Variants in PKHD1 observed in about 807,000 individuals in gnomAD.
The protein encoded by PKHD1 is PKHD1 ciliary IPT domain containing fibrocystin/polyductin, also known as fibrocystin.
PKHD1 carries 291 observed loss-of-function variants against 412.0 expected under a neutral mutation model. The ratio of observed to expected loss-of-function variants is 0.71; its 90% CI spans 0.64 to 0.78. The LOEUF is 0.78. Ranked by LOEUF, PKHD1 falls within the 30% of genes least tolerant of loss-of-function variation. The pLI is 0.00. For missense variants in PKHD1, 4,825 were observed against 4,950.7 expected (o/e 0.97, Z 0.76); for synonymous variants, 1,777 against 1,821.5 (o/e 0.98, Z 0.62).
chr6:52,001,378 A>T (rs747619518), intron 35 of PKHD1, among the ~76,000 whole-genome samples: 40 of 152,280 alleles, frequency 2.6e-4, no homozygotes, highest in Middle Eastern at 3.4e-3. Context: ...TTTTCTTTCA[A>T]ATCTTTCATC....
intron 61 of PKHD1, among the ~76,000 whole-genome samples, chr6:51,649,675 C>T (rs1266946258): frequency 6.6e-6 from 1 of 152,098 alleles, no homozygotes; most frequent in Non-Finnish European, 1.5e-5. Context: ...ACCAACATAG[C>T]TAATTCTGAG....
chr6:51,641,410 T>C (rs1012361190), intron 63 of PKHD1, among the ~76,000 whole-genome samples: 1 of 152,160 alleles, frequency 6.6e-6, no homozygotes, highest in Admixed American at 6.5e-5. Flanking sequence ...AAACAACATA[T>C]GTGGAGAAAT....
chr6:51,669,274 G>A (rs1342866071), intron 60 of PKHD1, among the ~76,000 whole-genome samples: 1 of 152,106 alleles, frequency 6.6e-6, no homozygotes, highest in Admixed American at 6.5e-5. Flanking sequence ...TATAGTCTTG[G>A]GAGAGTGTAT....
chr6:51,697,349 G>A (rs545232497), intron 60 of PKHD1, among the ~76,000 whole-genome samples: 1 of 152,288 alleles, frequency 6.6e-6, no homozygotes, highest in Non-Finnish European at 1.5e-5. Context: ...TACAATAATT[G>A]CAATCAAATC....
chr6:51,842,140 C>CT (rs987485504), intron 50 of PKHD1, among the ~76,000 whole-genome samples: 4 of 152,278 alleles, frequency 2.6e-5, no homozygotes, highest in South Asian at 2.1e-4. Context: ...TAGACATGTC[C>CT]TTTTTTTCTC....
intron 37 of PKHD1, 82 bp downstream of exon 37, chr6:51,934,028 C>T: frequency 9.1e-7 from 1 of 1,095,288 alleles, no homozygotes; most frequent in Admixed American, 1.7e-5. Context: ...CAACTATAGT[C>T]AAGGACTTTT....
chr6:51,694,897 C>T (rs997930113), intron 60 of PKHD1, among the ~76,000 whole-genome samples: 1 of 152,122 alleles, frequency 6.6e-6, no homozygotes, highest in East Asian at 1.9e-4. Flanking sequence ...TCCTTGCTAA[C>T]AGATTTCCCA....
chr6:52,024,544 A>C, intron 32 of PKHD1, 30 bp downstream of exon 32: 2 of 1,597,756 alleles, frequency 1.3e-6, no homozygotes, highest in South Asian at 1.1e-5. Flanking sequence ...TTACATAAAG[A>C]AAGTGTGCTG....
In PKHD1 at chr6:52,011,572, G is replaced by A. The variant is rs932250381; in HGVS notation, c.5601-1113C>T. 2.0e-5 allele frequency among the ~76,000 whole-genome samples: 3 copies of A among 152,160 alleles called. No individual in the cohort carries two copies. The East Asian group carries it at 5.8e-4, about 29-fold the overall frequency. On this transcript the variant is annotated intron_variant, in intron 34 of 66. Coordinates refer to ENST00000371117, the MANE Select transcript of PKHD1 (RefSeq NM_138694.4). ...AGCCAGGAAGATGGCAGATCCCATG[G>A]GAAGACCAGGAAGGGTGGAGAGAAG...
chr6:51,786,290 C>T (rs1274085287), intron 53 of PKHD1, among the ~76,000 whole-genome samples: 2 of 152,048 alleles, frequency 1.3e-5, no homozygotes, highest in Non-Finnish European at 2.9e-5. Flanking sequence ...CTCCTCAATG[C>T]TTCTCTAATT....
intron 46 of PKHD1, among the ~76,000 whole-genome samples, chr6:51,882,566 A>T (rs1777547634): frequency 6.6e-6 from 1 of 152,184 alleles, no homozygotes; most frequent in East Asian, 1.9e-4. Flanking sequence ...TCTAATAAAA[A>T]CAAGAACATA....
At chr6:51,730,548 A>G (rs1049074530) in intron 60 of PKHD1, among the ~76,000 whole-genome samples, 2 of 152,224 alleles carry the variant, frequency 1.3e-5, no homozygotes, top group Non-Finnish European at 2.9e-5. Context: ...AGTTTATTCC[A>G]TCAACATATT....
chr6:51,763,962 T>TA (rs200356202), intron 55 of PKHD1, among the ~76,000 whole-genome samples: 46,717 of 149,058 alleles, frequency 0.31, 9,021 homozygotes, highest in East Asian at 0.69. Context: ...TTTTTTTTTT[T>TA]ATTATACTTT....
intron 11 of PKHD1, among the ~76,000 whole-genome samples, chr6:52,066,694 G>C (rs956546636): frequency 6.6e-6 from 1 of 152,154 alleles, no homozygotes. Flanking sequence ...GAGGTCAGGA[G>C]TTTGAGACCA....
chr6:51,777,033 G>A (rs1791140181), intron 53 of PKHD1, among the ~76,000 whole-genome samples: 1 of 152,088 alleles, frequency 6.6e-6, no homozygotes, highest in Non-Finnish European at 1.5e-5. Context: ...TAACTGGTGG[G>A]AAGGTAATCC....
intron 53 of PKHD1, among the ~76,000 whole-genome samples, chr6:51,778,095 A>T (rs949465717): frequency 1.4e-5 from 2 of 142,158 alleles, no homozygotes; most frequent in Non-Finnish European, 3.1e-5. Flanking sequence ...AAAGCTTTAA[A>T]GGCTGAGATC....
intron 66 of PKHD1, among the ~76,000 whole-genome samples, chr6:51,623,694 C>T (rs1766906448): frequency 1.3e-5 from 2 of 152,156 alleles, no homozygotes; most frequent in African/African-American, 4.8e-5. Context: ...AGCAATTCTC[C>T]AGTCTCAGCC....
chr6:51,982,180 G>A (rs1378630914), intron 35 of PKHD1, among the ~76,000 whole-genome samples: 3 of 43,286 alleles, frequency 6.9e-5, no homozygotes, highest in African/African-American at 1.5e-4. Flanking sequence ...CGTCCGGGAG[G>A]GAGGTGGGGG....
In PKHD1 at chr6:51,903,684, G is replaced by A. The variant is rs1195711232; in HGVS notation, c.6909C>T (p.Ile2303=). Residue 2303 remains isoleucine, a synonymous_variant, in exon 43 of 67, where the codon ATC becomes ATT. Coordinates refer to ENST00000371117, the MANE Select transcript of PKHD1 (RefSeq NM_138694.4). ...AGAGTCCCTCGGCACCAGAAACCTGGATGATCACGTTGTTTCTTATTATAT... is the reference window on the plus strand; with the variant it reads ...AGAGTCCCTCGGCACCAGAAACCTGAATGATCACGTTGTTTCTTATTATAT... ...HGNIIRNNVI[I]QVSGAEGLSN... is the part of the protein sequence containing the mutation. The A allele has an allele frequency of 1.2e-6, 2 of 1,611,170 alleles. No homozygotes were observed. Among genetic ancestry groups the A allele is most frequent in the Non-Finnish European group, 1.7e-6 (2 of 1,177,754 alleles).
Sources: gnomAD v4.1 joint callset for allele counts (sites outside exome capture counted in the v4.1 genomes callset) on GRCh38, gnomAD v4.1.1 for gene constraint, MANE v1.5 for transcripts, NCBI Gene and HGNC (gene_info 2026-07-23, HGNC 2026-07-21) for gene names.